Variants in RAP1GAP2 observed in about 807,000 individuals in gnomAD.
RAP1GAP2 encodes rap1 GTPase-activating protein 2.
In RAP1GAP2, 27 loss-of-function variants were observed where a neutral mutation model predicts 95.0. That is an observed-to-expected ratio of 0.28 (90% CI 0.21 to 0.39). The LOEUF is 0.39. RAP1GAP2 is among the 10% of genes least tolerant of loss of function. RAP1GAP2 has a pLI of 1.00. For synonymous variants in RAP1GAP2, 373 were observed against 380.9 expected (o/e 0.98, Z 0.24); for missense variants, 771 against 970.0 (o/e 0.79, Z 2.72).
At chr17:2,912,456 A>G (rs980218941) in intron 3 of RAP1GAP2, among the ~76,000 whole-genome samples, 2 of 152,048 alleles carry the variant, frequency 1.3e-5, no homozygotes, top group African/African-American at 4.8e-5. Context: ...CCCCCCATAC[A>G]TCCACCAGCT....
intron 4 of RAP1GAP2, among the ~76,000 whole-genome samples, chr17:2,958,988 G>C (rs1039111226): frequency 6.6e-6 from 1 of 152,136 alleles, no homozygotes; most frequent in Non-Finnish European, 1.5e-5. Flanking sequence ...CTTATCATCA[G>C]CTTGCGGAAA....
At chr17:2,786,551 G>A (rs1444396485) in intron 1 of RAP1GAP2, among the ~76,000 whole-genome samples, 1 of 152,240 alleles carries the variant, frequency 6.6e-6, no homozygotes, top group South Asian at 2.1e-4. Flanking sequence ...GGTGGGTGTG[G>A]GCAGAGTTGG....
chr17:2,974,305 C>T (rs983457989), intron 8 of RAP1GAP2, among the ~76,000 whole-genome samples: 2 of 151,276 alleles, frequency 1.3e-5, no homozygotes, highest in Non-Finnish European at 2.9e-5. Flanking sequence ...GCCGAGATAG[C>T]GCCACTGCAC....
At position 3,003,482 on chromosome 17, in the gene RAP1GAP2, T is replaced by A. The variant is rs539656718; in HGVS notation, c.1201-1887T>A. Among the ~76,000 whole-genome samples, 2 of 152,170 alleles carry A rather than the reference T, an allele frequency of 1.3e-5. No homozygotes were observed. The highest frequency in any genetic ancestry group is 3.9e-4 in the East Asian group (2 of 5,156). On this transcript the variant is annotated intron_variant, in intron 14 of 24. Transcript: ENST00000254695. This position sits in a 1 kb window ranked among gnomAD's most constrained non-coding sequence, Gnocchi z 4.1. ...TTTGTAGCCCCCTCCCCGTTTCCCG[T>A]CACGACTTGTCTGTTGCTCGGACGA... is the stretch of plus-strand genomic sequence containing the variant.
intron 3 of RAP1GAP2, among the ~76,000 whole-genome samples, chr17:2,955,194 G>A (rs61069486): frequency 0.017 from 2,590 of 152,212 alleles, 71 homozygotes; most frequent in African/African-American, 0.059. Context: ...GAACATTTCC[G>A]GGAATTGCCA....
chr17:3,032,460 T>C lies in RAP1GAP2; in HGVS notation c.*30+11T>C, dbSNP rs1284495819. ...CTTCGCCTGTCCAAGGTGGGTTGAG[T>C]GAATGTCCTGCTGTGGCCGTGAGGG... On this transcript the variant is annotated intron_variant, in intron 24 of 24. Transcript: ENST00000254695. 5 of 1,612,502 alleles carry C rather than the reference T, an allele frequency of 3.1e-6. No individual in the cohort carries two copies. The highest frequency in any genetic ancestry group is 1.1e-5 in the South Asian group (1 of 91,038).
In RAP1GAP2 at chr17:3,017,916, C is replaced by CGTGTGTGTGT. The variant is rs56791699; in HGVS notation, c.1495-122_1495-113dup. On this transcript the variant is annotated intron_variant, in intron 17 of 24. Coordinates refer to ENST00000254695, the MANE Select transcript of RAP1GAP2 (RefSeq NM_015085.5). Reference sequence around the variant, plus strand: ...AGTAACTAGTATGGGCCTCTGTGACCGTGTGTGTGTGTGTGTGTGTGTGTG... The same window carrying CGTGTGTGTGT: ...AGTAACTAGTATGGGCCTCTGTGACCGTGTGTGTGTGTGTGTGTGTGTGTGTGTGTGTGTG... 389 of 562,206 alleles carry CGTGTGTGTGT rather than the reference C, an allele frequency of 6.9e-4. 2 individuals carry two copies. Among genetic ancestry groups the CGTGTGTGTGT allele is most frequent in the South Asian group, 9.1e-4 (36 of 39,428 alleles). 34.8% of individuals were successfully genotyped at this position (562,206 alleles called of 1,614,324 possible).
chr17:2,961,139 C>G (rs577953538), intron 4 of RAP1GAP2, among the ~76,000 whole-genome samples: 1 of 151,968 alleles, frequency 6.6e-6, no homozygotes, highest in African/African-American at 2.4e-5. Flanking sequence ...ATCACTTGAA[C>G]GCGGGAGGTG....
intron 3 of RAP1GAP2, among the ~76,000 whole-genome samples, chr17:2,920,267 C>G (rs1382318705): frequency 6.6e-6 from 1 of 152,228 alleles, no homozygotes; most frequent in Non-Finnish European, 1.5e-5. Flanking sequence ...CCTCCTCTTT[C>G]TGCCTGTTGG....
At chr17:3,014,696 C>A (rs1488984161) in intron 17 of RAP1GAP2, among the ~76,000 whole-genome samples, 1 of 152,028 alleles carries the variant, frequency 6.6e-6, no homozygotes, top group African/African-American at 2.4e-5. Flanking sequence ...ATTATAGGCA[C>A]ACACCACCAT....
At chr17:2,999,699 C>G (rs1383589891) in intron 14 of RAP1GAP2, among the ~76,000 whole-genome samples, 3 of 151,694 alleles carry the variant, frequency 2.0e-5, no homozygotes, top group African/African-American at 7.3e-5. Flanking sequence ...GTAATTCTAG[C>G]GCTTTGGGAG....
intron 2 of RAP1GAP2, chr17:2,853,869 G>A: frequency 1.0e-6 from 1 of 957,440 alleles, no homozygotes; most frequent in Non-Finnish European, 1.2e-6. Context: ...CACCTAGGCG[G>A]GGCGGGGCCC....
chr17:2,832,488 G>A (rs1336538576), intron 2 of RAP1GAP2, among the ~76,000 whole-genome samples: 8 of 150,484 alleles, frequency 5.3e-5, no homozygotes, highest in Non-Finnish European at 3.0e-5. Context: ...AACCCAGGAG[G>A]TGGAGGTTGC....
intron 18 of RAP1GAP2, among the ~76,000 whole-genome samples, chr17:3,019,065 CAA>C (rs1192972539): frequency 1.3e-5 from 2 of 151,024 alleles, no homozygotes; most frequent in African/African-American, 4.9e-5. Flanking sequence ...CTCAAAAAAA[CAA>C]AACAAAACAA....
At chr17:2,948,415 C>T (rs1244357690) in intron 3 of RAP1GAP2, among the ~76,000 whole-genome samples, 1 of 152,146 alleles carries the variant, frequency 6.6e-6, no homozygotes, top group East Asian at 1.9e-4. Context: ...AAGAGTGTTG[C>T]AGGGGCGAGG....
At chr17:2,924,007 A>G (rs1025430779) in intron 3 of RAP1GAP2, among the ~76,000 whole-genome samples, 1 of 152,256 alleles carries the variant, frequency 6.6e-6, no homozygotes, top group African/African-American at 2.4e-5. Flanking sequence ...GTTTAGAGAA[A>G]TGTTTCCTCT....
rs1187160576 is a variant in RAP1GAP2 at position 3,035,976 on chromosome 17, GAT to G, written c.*2616_*2617del. 1 of 152,258 alleles carries G rather than the reference GAT, an allele frequency of 6.6e-6. No individual in the cohort carries two copies. Among genetic ancestry groups the G allele is most frequent in the Non-Finnish European group, 1.5e-5 (1 of 68,058 alleles). The allele number at this position is 152,258 out of a possible 1,614,324, so 9.4% of individuals were successfully genotyped here. Reference sequence around the variant, plus strand: ...ATTTCCACTGTGATCTCCACGAGGGGATGTTTTCCGGGACACATCTCTGGCTC... The same window carrying G: ...ATTTCCACTGTGATCTCCACGAGGGGGTTTTCCGGGACACATCTCTGGCTC... On this transcript the variant is annotated 3_prime_UTR_variant, in exon 25 of 25. Coordinates refer to ENST00000254695, the MANE Select transcript of RAP1GAP2 (RefSeq NM_015085.5). This position sits in a 1 kb window ranked among gnomAD's most constrained non-coding sequence, Gnocchi z 4.3.
At chr17:2,851,787 G>T (rs1415171220) in intron 2 of RAP1GAP2, among the ~76,000 whole-genome samples, 7 of 152,086 alleles carry the variant, frequency 4.6e-5, no homozygotes, top group Non-Finnish European at 1.0e-4. Context: ...GCCCAGGCTG[G>T]TCTAGAACTC....
intron 2 of RAP1GAP2, among the ~76,000 whole-genome samples, chr17:2,869,310 G>T (rs746196559): frequency 5.9e-5 from 9 of 152,062 alleles, no homozygotes; most frequent in African/African-American, 1.2e-4. Context: ...GAGGGAAAGA[G>T]AATTTTTGTT....
Sources: gnomAD v4.1 joint callset for allele counts (sites outside exome capture counted in the v4.1 genomes callset) on GRCh38, gnomAD v4.1.1 for gene constraint, Gnocchi (gnomAD v3.1) non-coding constraint, MANE v1.5 for transcripts, NCBI Gene and HGNC (gene_info 2026-07-23, HGNC 2026-07-21) for gene names.